The following GRIP2 variants were observed in gnomAD, a reference collection of about 807,000 sequenced individuals.
GRIP2 encodes glutamate receptor-interacting protein 2.
In GRIP2, 58 loss-of-function variants were observed where a neutral mutation model predicts 108.3. The ratio of observed to expected loss-of-function variants is 0.54; its 90% CI spans 0.43 to 0.67. GRIP2 has a LOEUF of 0.67. GRIP2 is among the 30% of genes least tolerant of loss of function. The pLI, the probability that GRIP2 is intolerant of heterozygous loss-of-function variation, is 0.00. For synonymous variants in GRIP2, 586 were observed against 598.2 expected (o/e 0.98, Z 0.30); for missense variants, 1,278 against 1,430.6 (o/e 0.89, Z 1.72).
At chr3:14,593,411 C>T in the GRIP2 span, among the ~76,000 whole-genome samples, 1 of 152,218 alleles carries the variant, frequency 6.6e-6, no homozygotes, top group East Asian at 1.9e-4. Flanking sequence ...TCCGGCAACG[C>T]AAGAATCAAA....
intron 1 of GRIP2, among the ~76,000 whole-genome samples, chr3:14,552,714 T>TC (rs1695171390): frequency 6.7e-6 from 1 of 148,768 alleles, no homozygotes; most frequent in Non-Finnish European, 1.5e-5. Flanking sequence ...TGCCTCAGCC[T>TC]CCCAGGTAGC....
At chr3:14,569,001 G>C in the GRIP2 span, among the ~76,000 whole-genome samples, 1 of 152,158 alleles carries the variant, frequency 6.6e-6, no homozygotes. Context: ...GAAAATGCTG[G>C]GGAAAATGCT....
At position 14,512,796 on chromosome 3, in the gene GRIP2, C is replaced by CT; in HGVS notation, c.1700dup (p.Leu568AlafsTer43). 1 of 1,613,600 alleles carries CT rather than the reference C, an allele frequency of 6.2e-7. No individual in the cohort carries two copies. The highest frequency in any genetic ancestry group is 1.1e-5 in the South Asian group (1 of 91,074). On this transcript the variant is annotated frameshift_variant, in exon 14 of 24. Coordinates refer to ENST00000621039, the MANE Select transcript of GRIP2 (RefSeq NM_001080423.4). LOFTEE classifies it high-confidence loss of function. This position sits in a 1 kb window ranked among gnomAD's most constrained non-coding sequence, Gnocchi z 5.1. ...ACTCACAGCTGATGGTGATGCCCAG[C>CT]TCCACGCTGCGCTTCTTGGGCAGCT...
chr3:14,554,594 C>T (rs938811187), intron 1 of GRIP2, among the ~76,000 whole-genome samples: 1 of 152,136 alleles, frequency 6.6e-6, no homozygotes, highest in East Asian at 1.9e-4. Context: ...GATGTCAGGC[C>T]ACCAGCTGCC....
upstream of GRIP2, among the ~76,000 whole-genome samples, chr3:14,541,592 T>TC (rs1694971703): frequency 6.6e-6 from 1 of 152,212 alleles, no homozygotes; most frequent in African/African-American, 2.4e-5. Context: ...TTTAGAATAA[T>TC]CCAGGTTCTA....
the GRIP2 span, chr3:14,572,912 G>A: frequency 1.5e-6 from 2 of 1,309,232 alleles, no homozygotes; most frequent in South Asian, 2.4e-5. Flanking sequence ...GGATGCAGGT[G>A]AGGAACTCAC....
Position 14,493,436 on chromosome 3 carries a change from C to A in GRIP2, c.*229G>T, listed in dbSNP as rs567034577. 1 of 541,068 alleles carries A rather than the reference C, an allele frequency of 1.8e-6. No individual in the cohort carries two copies. Among genetic ancestry groups the A allele is most frequent in the South Asian group, 2.8e-5 (1 of 36,166 alleles). 33.5% of individuals were successfully genotyped at this position (541,068 alleles called of 1,614,324 possible). A position where few individuals can be genotyped will look rare whatever the true frequency, so the allele number is the denominator to read the frequency against. The stretch of plus-strand genomic sequence containing the variant: ...GAGGCTCCTCTGGGCATCTTGGAGA[C>A]CCAACTTGGCGAGAGACCCCAGCTG... On this transcript the variant is annotated 3_prime_UTR_variant, in exon 24 of 24. Transcript: ENST00000621039.
intron 21 of GRIP2, among the ~76,000 whole-genome samples, chr3:14,501,917 T>C (rs1693777297): frequency 6.6e-6 from 1 of 151,992 alleles, no homozygotes; most frequent in Non-Finnish European, 1.5e-5. Context: ...TTGGAGATTG[T>C]GGAGAGAGTG....
chr3:14,529,890 G>A (rs910737093), intron 1 of GRIP2, among the ~76,000 whole-genome samples: 1 of 152,158 alleles, frequency 6.6e-6, no homozygotes, highest in African/African-American at 2.4e-5. Context: ...AGGGTCCAGA[G>A]AGAATTTTCC....
At chr3:14,601,837 G>C in the GRIP2 span, among the ~76,000 whole-genome samples, 1 of 152,340 alleles carries the variant, frequency 6.6e-6, no homozygotes, top group East Asian at 1.9e-4. Flanking sequence ...CCCAACCTGG[G>C]GGGCAGACTG....
At chr3:14,514,161 G>T in intron 12 of GRIP2, 131 bp downstream of exon 12, 1 of 900,468 alleles carries the variant, frequency 1.1e-6, no homozygotes, top group East Asian at 2.7e-5. Context: ...TTCCTCATCT[G>T]TAAAATGGGG....
Position 14,521,657 on chromosome 3 carries a change from C to G in GRIP2, c.697G>C (p.Asp233His), listed in dbSNP as rs760069184. 6.2e-7 allele frequency: 1 copy of G among 1,610,960 alleles called. No homozygotes were observed. Among genetic ancestry groups the G allele is most frequent in the Non-Finnish European group, 8.5e-7 (1 of 1,178,502 alleles). ...SHEALFQVEY[D>H]VATPDTVANA... The stretch of plus-strand genomic sequence containing the variant: ...CCCAACTCACCAGGGGTGGCCACAT[C>G]ATACTCCACCTGAAAGAGTGCCTCG... Residue 233 changes from aspartate to histidine, a missense_variant, in exon 7 of 24, where the codon GAT (aspartate) becomes CAT (histidine). Coordinates refer to ENST00000621039, the MANE Select transcript of GRIP2 (RefSeq NM_001080423.4). The surrounding 1 kb of genome is among the most constrained non-coding windows in gnomAD (Gnocchi z 5.1).
At position 14,512,938 on chromosome 3, in the gene GRIP2, TGTGCTGGGAGTGACCCCGAAA is replaced by T. The variant is rs1694140396; in HGVS notation, c.1640-102_1640-82del. 7.6e-7 allele frequency: 1 copy of T among 1,308,186 alleles called. No homozygotes were observed. Among genetic ancestry groups the T allele is most frequent in the Non-Finnish European group, 1.1e-6 (1 of 903,916 alleles). The allele number at this position is 1,308,186 out of a possible 1,614,324, so 81.0% of individuals were successfully genotyped here. On this transcript the variant is annotated intron_variant, in intron 13 of 23. Coordinates refer to ENST00000621039, the MANE Select transcript of GRIP2 (RefSeq NM_001080423.4). The surrounding 1 kb of genome is among the most constrained non-coding windows in gnomAD (Gnocchi z 5.1). ...ACCCCAGCCCCATGCCCATTCTGGCTGTGCTGGGAGTGACCCCGAAAGTCACAGTTCTAATCTCATCCCCCT... is the reference window on the plus strand; with the variant it reads ...ACCCCAGCCCCATGCCCATTCTGGCTGTCACAGTTCTAATCTCATCCCCCT...
intron 1 of GRIP2, among the ~76,000 whole-genome samples, chr3:14,530,632 T>G (rs1317819350): frequency 6.6e-6 from 1 of 152,210 alleles, no homozygotes; most frequent in Non-Finnish European, 1.5e-5. Flanking sequence ...CTACAGAAAT[T>G]GGATTGTTTT....
intron 10 of GRIP2, 49 bp downstream of exon 10, chr3:14,517,723 T>G: frequency 1.2e-6 from 2 of 1,601,336 alleles, no homozygotes; most frequent in Non-Finnish European, 1.7e-6. Context: ...GCCCCCTCCC[T>G]AGGAAAGGCT....
chr3:14,564,331 G>A, the GRIP2 span, among the ~76,000 whole-genome samples: 17 of 152,352 alleles, frequency 1.1e-4, no homozygotes, highest in African/African-American at 2.6e-4. Flanking sequence ...ATGCCACTAC[G>A]GTCCTCGTGT....
intron 4 of GRIP2, 45 bp downstream of exon 4, chr3:14,524,348 C>A: frequency 1.3e-6 from 2 of 1,583,626 alleles, no homozygotes; most frequent in East Asian, 2.3e-5. Context: ...CGTGTCCACC[C>A]GCAACCGAGG....
chr3:14,557,851 C>CA (rs1695260888), upstream of GRIP2, among the ~76,000 whole-genome samples: 1 of 152,248 alleles, frequency 6.6e-6, no homozygotes, highest in African/African-American at 2.4e-5. Flanking sequence ...AATCCCAACT[C>CA]AGTGTGCCTT....
the GRIP2 span, among the ~76,000 whole-genome samples, chr3:14,583,109 G>C: frequency 6.6e-6 from 1 of 152,214 alleles, no homozygotes; most frequent in Non-Finnish European, 1.5e-5. Flanking sequence ...GGTTGTCATT[G>C]CTCCCCTACC....
Sources: allele counts gnomAD v4.1 joint callset (sites outside exome capture counted in the v4.1 genomes callset), GRCh38; gene constraint gnomAD v4.1.1; non-coding constraint Gnocchi (gnomAD v3.1); transcripts MANE v1.5; gene names NCBI Gene and HGNC (gene_info 2026-07-23, HGNC 2026-07-21).